The following ZNF529 variants were observed in gnomAD, a reference collection of about 807,000 sequenced individuals.
The protein encoded by ZNF529 is zinc finger protein 529.
In ZNF529, 11 loss-of-function variants were observed where a neutral mutation model predicts 10.1. The observed-to-expected ratio is 1.09, with a 90% CI of 0.69 to 1.81. The LOEUF is 1.81. Among genes scored for constraint, ZNF529 ranks in the 40% most tolerant of loss-of-function variants. The pLI is 0.00. For synonymous variants in ZNF529, 204 were observed against 215.7 expected (o/e 0.95, Z 0.47); for missense variants, 624 against 666.8 (o/e 0.94, Z 0.71).
chr19:36,562,817 C>A (rs2145825386), intron 2 of ZNF529, among the ~76,000 whole-genome samples: 1 of 139,952 alleles, frequency 7.1e-6, no homozygotes, highest in African/African-American at 2.7e-5. Flanking sequence ...GGCGACAGAG[C>A]AACACTCTGT....
intron 1 of ZNF529, among the ~76,000 whole-genome samples, chr19:36,592,284 C>CA (rs35717465): frequency 0.32 from 16,157 of 50,082 alleles, 2,132 homozygotes; most frequent in African/African-American, 0.36. Flanking sequence ...GACTTTGTCT[C>CA]AAAAAAAAAA....
intron 2 of ZNF529, chr19:36,581,663 AGTT>A (rs1189987061): frequency 1.3e-5 from 2 of 152,364 alleles, no homozygotes; most frequent in African/African-American, 4.8e-5. Context: ...TCCTATAGCT[AGTT>A]GTTTAAAAGA....
intron 1 of ZNF529, among the ~76,000 whole-genome samples, chr19:36,601,561 T>G (rs1345307912): frequency 6.6e-6 from 1 of 152,180 alleles, no homozygotes. Context: ...TATATGTGAA[T>G]GTGGAATGAC....
chr19:36,599,685 G>T (rs2036893455), intron 1 of ZNF529, among the ~76,000 whole-genome samples: 1 of 151,984 alleles, frequency 6.6e-6, no homozygotes, highest in Non-Finnish European at 1.5e-5. Flanking sequence ...TTTTCAATTA[G>T]ACTGCATTAA....
At chr19:36,570,252 T>G (rs2036050153) in intron 2 of ZNF529, among the ~76,000 whole-genome samples, 1 of 150,132 alleles carries the variant, frequency 6.7e-6, no homozygotes, top group Non-Finnish European at 1.5e-5. Context: ...TCCTAGCTAC[T>G]TGGGAGACTG....
intron 1 of ZNF529, among the ~76,000 whole-genome samples, chr19:36,595,537 A>G (rs762899900): frequency 1.4e-4 from 22 of 152,052 alleles, no homozygotes; most frequent in Non-Finnish European, 3.1e-4. Context: ...CCCTACAACA[A>G]AACATTAAAA....
intron 1 of ZNF529, among the ~76,000 whole-genome samples, chr19:36,596,612 G>A (rs1361782184): frequency 1.3e-5 from 2 of 151,850 alleles, no homozygotes; most frequent in Non-Finnish European, 2.9e-5. Context: ...CTGCCTCCCA[G>A]TTCAAGCAAT....
chr19:36,597,138 G>A (rs1433941704), intron 1 of ZNF529, among the ~76,000 whole-genome samples: 2 of 152,106 alleles, frequency 1.3e-5, no homozygotes, highest in Non-Finnish European at 2.9e-5. Context: ...CTCAAATGCT[G>A]GGATTATAGG....
chr19:36,562,396 T>C (rs2035736562), intron 2 of ZNF529, among the ~76,000 whole-genome samples: 1 of 151,996 alleles, frequency 6.6e-6, no homozygotes, highest in African/African-American at 2.4e-5. Flanking sequence ...AAGTTTATGC[T>C]GAAATGAGTT....
At chr19:36,598,002 T>C (rs2036866477) in intron 1 of ZNF529, among the ~76,000 whole-genome samples, 1 of 152,138 alleles carries the variant, frequency 6.6e-6, no homozygotes, top group South Asian at 2.1e-4. Context: ...CCATGCCACA[T>C]TCCTGTAGAT....
upstream of ZNF529, chr19:36,573,622 C>G: frequency 1.0e-5 from 4 of 393,360 alleles, no homozygotes; most frequent in South Asian, 7.2e-5. Context: ...TGGGGGGCCG[C>G]GGAATTCTAG....
chr19:36,596,875 A>G (rs1327226502), intron 1 of ZNF529, among the ~76,000 whole-genome samples: 1 of 151,856 alleles, frequency 6.6e-6, no homozygotes, highest in East Asian at 1.9e-4. Flanking sequence ...TACTAAAAGC[A>G]TATGGTTGAT....
At chr19:36,581,709 C>A in intron 2 of ZNF529, 1 of 154,592 alleles carries the variant, frequency 6.5e-6, no homozygotes. Flanking sequence ...CTTTTGTTCC[C>A]TCTTGCCATG....
chr19:36,551,779 T>G (rs115549452), intron 4 of ZNF529: 1 of 152,210 alleles, frequency 6.6e-6, no homozygotes, highest in Non-Finnish European at 1.5e-5. Flanking sequence ...CAGAGATTGG[T>G]TTCTGACCAC....
At chr19:36,570,838 C>T (rs1434394840) in intron 2 of ZNF529, among the ~76,000 whole-genome samples, 1 of 152,040 alleles carries the variant, frequency 6.6e-6, no homozygotes, top group Non-Finnish European at 1.5e-5. Flanking sequence ...TTTTTTTCTT[C>T]CCTTGCAGAT....
chr19:36,556,104 A>G lies in ZNF529; in HGVS notation c.108T>C (p.His36=). The change falls in exon 3 of 5, where the codon CAT becomes CAC. Residue 36 remains histidine, a splice_region_variant and synonymous_variant. Transcript: ENST00000591340. ...DQFFTVLTMD[H]ELVTLRDVVI... is the part of the protein sequence containing the mutation. ...AAGAAAAGAGAAGTAGTTAACTTAC[A>G]TGGTCCATGGTTAGAACTGTAAAGA... The G allele has an allele frequency of 6.4e-7, 1 of 1,550,966 alleles. No homozygotes were observed. The highest frequency in any genetic ancestry group is 8.7e-7 in the Non-Finnish European group (1 of 1,146,592).
chr19:36,571,650 G>A (rs1396562001), intron 2 of ZNF529, among the ~76,000 whole-genome samples: 1 of 149,500 alleles, frequency 6.7e-6, no homozygotes, highest in Non-Finnish European at 1.5e-5. Context: ...GCTCCAGCCT[G>A]GGCAATAACA....
chr19:36,564,282 C>G (rs1038703601), intron 2 of ZNF529, among the ~76,000 whole-genome samples: 30 of 152,186 alleles, frequency 2.0e-4, no homozygotes, highest in African/African-American at 7.2e-4. Context: ...AGCTTCCGCT[C>G]AGCAAAAGAA....
chr19:36,596,474 G>A (rs1275879051), intron 1 of ZNF529, among the ~76,000 whole-genome samples: 1 of 151,632 alleles, frequency 6.6e-6, no homozygotes, highest in Non-Finnish European at 1.5e-5. Context: ...ATCAGCTTTT[G>A]TTGGTGTTTG....
Sources: gnomAD v4.1 joint callset for allele counts (sites outside exome capture counted in the v4.1 genomes callset) on GRCh38, gnomAD v4.1.1 for gene constraint, MANE v1.5 for transcripts, NCBI Gene and HGNC (gene_info 2026-07-23, HGNC 2026-07-21) for gene names.